Variants in MNAT1 observed in about 807,000 individuals in gnomAD.
MNAT1 encodes the protein CDK-activating kinase assembly factor MAT1.
A neutral mutation model predicts 42.0 loss-of-function variants in MNAT1; 43 were observed. The observed-to-expected ratio is 1.02, with a 90% confidence interval of 0.80 to 1.32. The LOEUF is 1.32. Among genes scored for constraint, MNAT1 ranks in the 40% most tolerant of loss-of-function variants. MNAT1 has a pLI of 0.00. For synonymous variants in MNAT1, 118 were observed against 120.0 expected (o/e 0.98, Z 0.11); for missense variants, 306 against 350.4 (o/e 0.87, Z 1.01).
At chr14:60,803,865 A>G (rs933732899) in intron 3 of MNAT1, among the ~76,000 whole-genome samples, 1 of 152,220 alleles carries the variant, frequency 6.6e-6, no homozygotes, top group African/African-American at 2.4e-5. Context: ...AACATTTTCA[A>G]TAGAAGGGGC....
At chr14:60,867,648 A>G (rs925785971) in intron 6 of MNAT1, among the ~76,000 whole-genome samples, 4 of 152,056 alleles carry the variant, frequency 2.6e-5, no homozygotes, top group African/African-American at 9.7e-5. Context: ...ATACATTGTG[A>G]GTCAGTGGCT....
intron 6 of MNAT1, among the ~76,000 whole-genome samples, chr14:60,822,527 G>C (rs891039188): frequency 1.3e-5 from 2 of 151,820 alleles, no homozygotes; most frequent in Non-Finnish European, 2.9e-5. Context: ...CTGGGCTCAA[G>C]CCATCCTCCT....
At chr14:60,863,610 AG>A (rs1232316441) in intron 6 of MNAT1, among the ~76,000 whole-genome samples, 1 of 152,154 alleles carries the variant, frequency 6.6e-6, no homozygotes, top group Non-Finnish European at 1.5e-5. Flanking sequence ...TTAACTAATT[AG>A]TGAAAGGAGG....
At chr14:60,890,392 G>T (rs977153087) in intron 7 of MNAT1, among the ~76,000 whole-genome samples, 1 of 152,088 alleles carries the variant, frequency 6.6e-6, no homozygotes, top group African/African-American at 2.4e-5. Context: ...TCTCTGTCTG[G>T]CTTTTATATC....
At chr14:60,967,565 CTGTG>C (rs967357206) in intron 7 of MNAT1, among the ~76,000 whole-genome samples, 1 of 151,974 alleles carries the variant, frequency 6.6e-6, no homozygotes, top group Admixed American at 6.6e-5. Context: ...TTTAAAAAAA[CTGTG>C]TGGTTGCAGA....
chr14:60,949,019 A>G (rs187811222), intron 7 of MNAT1, among the ~76,000 whole-genome samples: 3 of 152,316 alleles, frequency 2.0e-5, no homozygotes, highest in African/African-American at 7.2e-5. Flanking sequence ...CTTATTTTAC[A>G]AAGCATTTAA....
chr14:60,947,470 G>T (rs2036302122), intron 7 of MNAT1, among the ~76,000 whole-genome samples: 1 of 152,134 alleles, frequency 6.6e-6, no homozygotes, highest in South Asian at 2.1e-4. Flanking sequence ...ATCTTCTGAG[G>T]TCAGGAGTTC....
chr14:60,904,499 T>C (rs2035150344), intron 7 of MNAT1, among the ~76,000 whole-genome samples: 1 of 152,172 alleles, frequency 6.6e-6, no homozygotes. Context: ...TTTATGCAGT[T>C]ATGGAAAAAA....
chr14:60,843,525 C>T (rs2033604296), intron 6 of MNAT1, among the ~76,000 whole-genome samples: 1 of 152,118 alleles, frequency 6.6e-6, no homozygotes, highest in African/African-American at 2.4e-5. Flanking sequence ...CTGTCTCGGC[C>T]TCCCAAAGTG....
rs539009083 is a variant in MNAT1, at chr14:60,889,613, A to T, written c.809+9778A>T. The stretch of plus-strand genomic sequence containing the variant: ...AAAATTGACAAATGGGATCTAATTA[A>T]ACTAAAGAGCTTCTTCACAGCAAAA... On this transcript the variant is annotated intron_variant, in intron 7 of 7. Transcript: ENST00000261245. 2.0e-5 allele frequency among the ~76,000 whole-genome samples: 3 copies of T among 152,330 alleles called. No individual in the cohort carries two copies. In the South Asian group the frequency reaches 6.2e-4, roughly 32 times the overall value.
intron 7 of MNAT1, among the ~76,000 whole-genome samples, chr14:60,901,972 A>C (rs1164459653): frequency 6.6e-6 from 1 of 152,248 alleles, no homozygotes; most frequent in African/African-American, 2.4e-5. Context: ...TTTTTAAAGA[A>C]GTTCTGCTGT....
chr14:60,915,455 G>A (rs1385390988), intron 7 of MNAT1, among the ~76,000 whole-genome samples: 1 of 152,104 alleles, frequency 6.6e-6, no homozygotes, highest in African/African-American at 2.4e-5. Context: ...CATAATGATT[G>A]CCATGTTTTT....
At position 60,925,020 on chromosome 14, in the gene MNAT1, A is replaced by G. The variant is rs577885578; in HGVS notation, c.810-43209A>G. Reference sequence around the variant, plus strand: ...AATAATAGCAGCTGAACTCAGATACAGTTGGCTGTCCATTCATGGGTCCAC... The same window carrying G: ...AATAATAGCAGCTGAACTCAGATACGGTTGGCTGTCCATTCATGGGTCCAC... On this transcript the variant is annotated intron_variant, in intron 7 of 7. Coordinates refer to ENST00000261245, the MANE Select transcript of MNAT1 (RefSeq NM_002431.4). Among the ~76,000 whole-genome samples the G allele has an allele frequency of 1.0e-3, 157 of 152,346 alleles. 1 individual carries two copies. The highest frequency in any genetic ancestry group is 1.0e-3 in the South Asian group (5 of 4,826).
chr14:60,872,049 A>C (rs1369170491), intron 6 of MNAT1, among the ~76,000 whole-genome samples: 2 of 152,086 alleles, frequency 1.3e-5, no homozygotes, highest in African/African-American at 4.8e-5. Context: ...TATGTTTTGC[A>C]TTGCTATGAA....
At position 60,879,931 on chromosome 14, in the gene MNAT1, T is replaced by C. The variant is rs948904789; in HGVS notation, c.809+96T>C. 24 of 1,375,342 alleles carry C rather than the reference T, an allele frequency of 1.7e-5. No homozygotes were observed. In the African/African-American group the frequency reaches 2.8e-4, roughly 16 times the overall value. The allele number at this position is 1,375,342 out of a possible 1,614,324, so 85.2% of individuals were successfully genotyped here. ...TTAACATTCTTAGATTTTCAGTTTA[T>C]AGAACTTTACTGTTTTGTGAAAAAT... is the stretch of plus-strand genomic sequence containing the variant. On this transcript the variant is annotated intron_variant, in intron 7 of 7. Coordinates refer to ENST00000261245, the MANE Select transcript of MNAT1 (RefSeq NM_002431.4).
At chr14:60,954,022 A>G (rs1199337787) in intron 7 of MNAT1, among the ~76,000 whole-genome samples, 1 of 152,028 alleles carries the variant, frequency 6.6e-6, no homozygotes, top group Non-Finnish European at 1.5e-5. Context: ...TATTTTGTAT[A>G]TTAGCCCCTT....
chr14:60,924,421 A>C (rs549478145), intron 7 of MNAT1, among the ~76,000 whole-genome samples: 2 of 151,936 alleles, frequency 1.3e-5, no homozygotes, highest in African/African-American at 4.8e-5. Context: ...CATGCCTTGA[A>C]AATAGCAAAA....
chr14:60,857,116 A>G (rs148968146), intron 6 of MNAT1, among the ~76,000 whole-genome samples: 1 of 152,356 alleles, frequency 6.6e-6, no homozygotes, highest in East Asian at 1.9e-4. Context: ...TTTGAAGCCC[A>G]GTGTTGAGAC....
At chr14:60,786,431 A>G (rs982286767) in intron 1 of MNAT1, among the ~76,000 whole-genome samples, 4 of 152,142 alleles carry the variant, frequency 2.6e-5, no homozygotes, top group African/African-American at 9.7e-5. Flanking sequence ...GGTCACATGT[A>G]ACAGTGGTTC....
Sources: gnomAD v4.1 joint callset for allele counts (sites outside exome capture counted in the v4.1 genomes callset) on GRCh38, gnomAD v4.1.1 for gene constraint, MANE v1.5 for transcripts, NCBI Gene and HGNC (gene_info 2026-07-23, HGNC 2026-07-21) for gene names.